Variants in LRRC43 observed in about 807,000 individuals in gnomAD.
LRRC43 encodes leucine rich repeat containing 43, also known as leucine-rich repeat-containing protein 43.
Under a neutral mutation model 64.3 loss-of-function variants are expected in LRRC43, and 62 were observed. That is an observed-to-expected ratio of 0.96 (90% confidence interval 0.79 to 1.19). The LOEUF is 1.19. Ranked by LOEUF, LRRC43 falls within the 50% of genes most tolerant of loss-of-function variation. The pLI, the probability that LRRC43 is intolerant of heterozygous loss-of-function variation, is 0.00. For missense variants in LRRC43, 868 were observed against 845.0 expected (o/e 1.03, Z -0.34); for synonymous variants, 422 against 382.3 (o/e 1.10, Z -1.21).
At chr12:122,192,387 CG>C (rs1566010769) in intron 6 of LRRC43, among the ~76,000 whole-genome samples, 2 of 152,082 alleles carry the variant, frequency 1.3e-5, no homozygotes, top group African/African-American at 4.8e-5. Context: ...CCGCCTGCCT[CG>C]GCCTCCCAAA....
At chr12:122,183,363 G>T (rs1953603654) in intron 1 of LRRC43, 69 bp downstream of exon 1, 4 of 1,365,618 alleles carry the variant, frequency 2.9e-6, no homozygotes, top group African/African-American at 1.5e-5. Context: ...CCGGGCGAGC[G>T]GAGCGGGCTG....
chr12:122,170,973 G>GGCTGCT (rs149235899), intron 1 of LRRC43, among the ~76,000 whole-genome samples: 1 of 151,976 alleles, frequency 6.6e-6, no homozygotes, highest in South Asian at 2.1e-4. Context: ...TGTTGCCACG[G>GGCTGCT]GCTGCTGCTG....
At chr12:122,179,281 C>T (rs1953562214), upstream of LRRC43, among the ~76,000 whole-genome samples, 1 of 152,052 alleles carries the variant, frequency 6.6e-6, no homozygotes, top group Non-Finnish European at 1.5e-5. Flanking sequence ...TTAATTTTAA[C>T]TTTTTGTAGA....
At position 122,200,405 on chromosome 12, in the gene LRRC43, C is replaced by G; in HGVS notation, c.1491+75C>G. On this transcript the variant is annotated intron_variant, in intron 8 of 11. Coordinates refer to ENST00000339777, the MANE Select transcript of LRRC43 (RefSeq NM_001098519.2). The surrounding 1 kb of genome is among the most constrained non-coding windows in gnomAD (Gnocchi z 4.6). ...CTTGTTCCTGTTCCCATCGGGCTGTCCCCCATGGGAGCCGCACTCCCTGGT... is the reference window on the plus strand; with the variant it reads ...CTTGTTCCTGTTCCCATCGGGCTGTGCCCCATGGGAGCCGCACTCCCTGGT... 6.2e-7 allele frequency: 1 copy of G among 1,604,668 alleles called. No individual in the cohort carries two copies. Among genetic ancestry groups the G allele is most frequent in the East Asian group, 2.2e-5 (1 of 44,812 alleles).
Position 122,174,632 on chromosome 12 carries a change from G to T in LRRC43, c.-406+6850G>T, listed in dbSNP as rs555347170. 5.3e-5 allele frequency among the ~76,000 whole-genome samples: 8 copies of T among 152,252 alleles called. No homozygotes were observed. In the South Asian group the frequency reaches 6.2e-4, roughly 12 times the overall value. ...GCCGGCATGAGATGTGCAGAATGCG[G>T]TATCTCTGGAAATTTCTGCAGCATA... On this transcript the variant is annotated intron_variant, in intron 1 of 5. Coordinates refer to the LRRC43 transcript ENST00000537729.
chr12:122,200,690 C>T lies in LRRC43; in HGVS notation c.1620+30C>T, dbSNP rs1230618117. 1.2e-6 allele frequency: 2 copies of T among 1,612,970 alleles called. No homozygotes were observed. Among genetic ancestry groups the T allele is most frequent in the East Asian group, 2.2e-5 (1 of 44,864 alleles). ...CGGGCCTTGGTGCTGGGGAGGGCAG[C>T]CTGGCCACACCCTTGCTTCAACTTG... On this transcript the variant is annotated intron_variant, in intron 9 of 11. Coordinates refer to ENST00000339777, the MANE Select transcript of LRRC43 (RefSeq NM_001098519.2). The surrounding 1 kb of genome is among the most constrained non-coding windows in gnomAD (Gnocchi z 4.6).
intron 1 of LRRC43, among the ~76,000 whole-genome samples, chr12:122,178,034 T>C (rs1181910244): frequency 8.6e-5 from 13 of 151,730 alleles, no homozygotes; most frequent in African/African-American, 3.1e-4. Context: ...GACAGGGTTT[T>C]GCCATGTTGT....
intron 5 of LRRC43, 44 bp from the exon 6 acceptor site, chr12:122,191,336 T>C (rs1192337331): frequency 6.5e-7 from 1 of 1,547,860 alleles, no homozygotes; most frequent in South Asian, 1.2e-5. Context: ...ATCTGCCAAC[T>C]TCCATTCCAT....
intron 1 of LRRC43, chr12:122,172,838 TTGATA>T (rs911792562): frequency 3.2e-6 from 3 of 924,524 alleles, no homozygotes; most frequent in Non-Finnish European, 4.9e-6. Context: ...ACCCGCCTCG[TTGATA>T]TATTTATCTG....
upstream of LRRC43, among the ~76,000 whole-genome samples, chr12:122,182,734 G>T (rs1190016505): frequency 2.0e-5 from 3 of 151,866 alleles, no homozygotes; most frequent in East Asian, 1.9e-4. Context: ...ATGAGGTCTG[G>T]GTGATTAAAC....
chr12:122,179,304 C>T (rs2136023229), upstream of LRRC43, among the ~76,000 whole-genome samples: 1 of 152,226 alleles, frequency 6.6e-6, no homozygotes, highest in African/African-American at 2.4e-5. Flanking sequence ...TAAGATCCTC[C>T]TCTATTGCCT....
chr12:122,203,114 C>A (rs939487253), intron 11 of LRRC43, among the ~76,000 whole-genome samples: 1 of 152,170 alleles, frequency 6.6e-6, no homozygotes, highest in African/African-American at 2.4e-5. Context: ...GCCAGTCTTG[C>A]AACTCAAACA....
At chr12:122,201,395 G>C (rs184682129) in intron 11 of LRRC43, 66 bp downstream of exon 11, 1 of 1,508,170 alleles carries the variant, frequency 6.6e-7, no homozygotes, top group Non-Finnish European at 9.2e-7. Context: ...GCCAGCCCTG[G>C]GGGAGGCCAA....
chr12:122,187,980 A>G, intron 4 of LRRC43, 140 bp downstream of exon 4: 1 of 800,848 alleles, frequency 1.2e-6, no homozygotes, highest in South Asian at 1.9e-5. Flanking sequence ...CTTATGGTTT[A>G]TTTCTCTGAA....
intron 3 of LRRC43, 60 bp from the exon 4 acceptor site, chr12:122,187,641 C>T (rs1953660058): frequency 3.2e-6 from 5 of 1,545,514 alleles, no homozygotes; most frequent in Non-Finnish European, 4.4e-6. Context: ...AGGGGAGGGG[C>T]CTGATCCTCA....
chr12:122,180,798 C>T (rs1953574900), upstream of LRRC43, among the ~76,000 whole-genome samples: 1 of 152,180 alleles, frequency 6.6e-6, no homozygotes, highest in South Asian at 2.1e-4. Context: ...TTGATTTCCC[C>T]TCTCAGTCTT....
At chr12:122,198,413 G>T (rs1005451824) in intron 7 of LRRC43, among the ~76,000 whole-genome samples, 1 of 152,036 alleles carries the variant, frequency 6.6e-6, no homozygotes, top group Admixed American at 6.6e-5. Context: ...CCCCAGAAAG[G>T]TACCCATTAG....
chr12:122,169,807 T>G (rs1394316102), intron 1 of LRRC43, among the ~76,000 whole-genome samples: 1 of 151,894 alleles, frequency 6.6e-6, no homozygotes, highest in Non-Finnish European at 1.5e-5. Flanking sequence ...TATTTTGTTG[T>G]TGTTTGTTGT....
intron 4 of LRRC43, chr12:122,189,437 A>G: frequency 2.2e-6 from 1 of 456,472 alleles, no homozygotes; most frequent in South Asian, 1.5e-5. Flanking sequence ...GGATTGGGAG[A>G]TGCTGTGCTG....
Sources: allele counts gnomAD v4.1 joint callset (sites outside exome capture counted in the v4.1 genomes callset), GRCh38; gene constraint gnomAD v4.1.1; non-coding constraint Gnocchi (gnomAD v3.1); transcripts MANE v1.5; gene names NCBI Gene and HGNC (gene_info 2026-07-23, HGNC 2026-07-21).